The following MYBPHL variants were observed in gnomAD, a reference collection of about 807,000 sequenced individuals.
The protein encoded by MYBPHL is myosin-binding protein H-like.
In MYBPHL, 32 loss-of-function variants were observed where a neutral mutation model predicts 39.5. The ratio of observed to expected loss-of-function variants is 0.81; its 90% CI spans 0.61 to 1.09. The LOEUF is 1.09. Among genes scored for constraint, MYBPHL ranks in the 50% least tolerant of loss-of-function variants. The probability of loss-of-function intolerance (pLI) is 0.00; values close to 1 mark genes in which losing one functional copy is unlikely to be tolerated. For missense variants in MYBPHL, 456 were observed against 460.2 expected, an observed-to-expected ratio of 0.99 and a Z score of 0.08; for synonymous variants, 196 against 183.7, an observed-to-expected ratio of 1.07 and a Z score of -0.54.
In MYBPHL at chr1:109,297,047, C is replaced by A; in HGVS notation, c.570+3G>T. ...ACCCTCCTTCCTTCCCAGCTGGCCTCACCCCGGATTTTGTGTCAGCCTTCT... is the reference window on the plus strand; with the variant it reads ...ACCCTCCTTCCTTCCCAGCTGGCCTAACCCCGGATTTTGTGTCAGCCTTCT... On this transcript the variant is annotated splice_donor_region_variant and intron_variant, in intron 4 of 8. Coordinates refer to ENST00000357155, the MANE Select transcript of MYBPHL (RefSeq NM_001010985.3). The A allele has an allele frequency of 1.9e-6, 3 of 1,614,152 alleles. No homozygotes were observed. The highest frequency in any genetic ancestry group is 2.5e-6 in the Non-Finnish European group (3 of 1,180,014).
At chr1:109,302,169 T>A (rs759783357) in intron 1 of MYBPHL, among the ~76,000 whole-genome samples, 8 of 151,888 alleles carry the variant, frequency 5.3e-5, no homozygotes, top group Non-Finnish European at 1.0e-4. Context: ...AGTGTGTGTG[T>A]GAGAGAGAGA....
intron 5 of MYBPHL, 67 bp from the exon 6 acceptor site, chr1:109,296,437 T>G: frequency 1.3e-6 from 2 of 1,559,816 alleles, no homozygotes; most frequent in Non-Finnish European, 1.7e-6. Flanking sequence ...TCTTTATCCT[T>G]AGTATTTTTT....
chr1:109,298,098 G>A (rs1393749083), intron 2 of MYBPHL, 71 bp downstream of exon 2: 2 of 1,288,798 alleles, frequency 1.6e-6, no homozygotes, highest in Non-Finnish European at 2.2e-6. Flanking sequence ...CAGGACTCTT[G>A]GTATCTGTTT....
chr1:109,297,823 T>G (rs1264107667), intron 2 of MYBPHL, among the ~76,000 whole-genome samples: 1 of 151,952 alleles, frequency 6.6e-6, no homozygotes, highest in Non-Finnish European at 1.5e-5. Context: ...TGGCTTTGAG[T>G]CTCCCAATCT....
intron 3 of MYBPHL, 47 bp downstream of exon 3, chr1:109,297,375 G>A: frequency 6.3e-7 from 1 of 1,582,288 alleles, no homozygotes; most frequent in Non-Finnish European, 8.6e-7. Flanking sequence ...TCAGCCTGGA[G>A]AGGGAGTTCC....
chr1:109,298,159 G>A lies in MYBPHL; in HGVS notation c.234+10C>T, dbSNP rs1658152915. The A allele has an allele frequency of 1.6e-5, 25 of 1,600,288 alleles. No individual in the cohort carries two copies. The highest frequency in any genetic ancestry group is 2.1e-5 in the Non-Finnish European group (25 of 1,174,048). The stretch of plus-strand genomic sequence containing the variant: ...CAGACATGGACCCAGTATGGGGCTG[G>A]CATGATCACCTGGAATGGGATTAGT... On this transcript the variant is annotated intron_variant, in intron 2 of 8. Coordinates refer to ENST00000357155, the MANE Select transcript of MYBPHL (RefSeq NM_001010985.3).
chr1:109,302,169 TGA>T (rs1314385490), intron 1 of MYBPHL, among the ~76,000 whole-genome samples: 8 of 152,008 alleles, frequency 5.3e-5, no homozygotes, highest in Admixed American at 1.3e-4. Flanking sequence ...AGTGTGTGTG[TGA>T]GAGAGAGAGG....
intron 1 of MYBPHL, among the ~76,000 whole-genome samples, chr1:109,305,133 C>T (rs996746978): frequency 2.0e-5 from 3 of 152,124 alleles, no homozygotes; most frequent in South Asian, 4.1e-4. Flanking sequence ...GAGTCCACAG[C>T]TGGCATTAGA....
Position 109,295,234 on chromosome 1 carries a change from T to C in MYBPHL, c.931A>G (p.Thr311Ala). Residue 311 changes from threonine to alanine, a missense_variant, in exon 7 of 9, where the codon ACT (threonine) becomes GCT (alanine). Coordinates refer to ENST00000357155, the MANE Select transcript of MYBPHL (RefSeq NM_001010985.3). The stretch of plus-strand genomic sequence containing the variant: ...TCTAGGGAGCAGATTCCCAGGTGAG[T>C]CAGGGCTCTGTACTTAGGGTTGCCT... ...IQGNPKYRAL[T>A]HLGICSLEIR... The C allele has an allele frequency of 5.6e-6, 9 of 1,613,816 alleles. No individual in the cohort carries two copies. Among genetic ancestry groups the C allele is most frequent in the Non-Finnish European group, 7.6e-6 (9 of 1,179,950 alleles).
chr1:109,293,632 C>T (rs899683517), intron 8 of MYBPHL, among the ~76,000 whole-genome samples: 3 of 151,842 alleles, frequency 2.0e-5, no homozygotes, highest in Admixed American at 6.6e-5. Context: ...CCCAGCTACT[C>T]TGGAGGCTGA....
chr1:109,297,953 A>C (rs2101476360), intron 2 of MYBPHL, among the ~76,000 whole-genome samples: 1 of 152,354 alleles, frequency 6.6e-6, no homozygotes, highest in East Asian at 1.9e-4. Context: ...GGCATGGATT[A>C]GCCTCACACC....
chr1:109,300,217 G>A (rs1022620422), intron 1 of MYBPHL, among the ~76,000 whole-genome samples: 2 of 152,136 alleles, frequency 1.3e-5, no homozygotes, highest in Non-Finnish European at 2.9e-5. Context: ...GAGACCTCCC[G>A]GCTAGCTGTG....
chr1:109,300,747 A>G (rs1178356477), intron 1 of MYBPHL, among the ~76,000 whole-genome samples: 1 of 148,188 alleles, frequency 6.7e-6, no homozygotes, highest in Non-Finnish European at 1.5e-5. Flanking sequence ...AGAGCAAGGA[A>G]GGAGGCTGCC....
intron 2 of MYBPHL, 70 bp from the exon 3 acceptor site, chr1:109,297,687 C>T: frequency 1.5e-6 from 2 of 1,364,346 alleles, no homozygotes; most frequent in Non-Finnish European, 2.0e-6. Context: ...CTGTAGGGGT[C>T]CTGTCCACCC....
rs190155964 is a variant in MYBPHL at position 109,299,979 on chromosome 1, G to C, written c.146-1722C>G. Among the ~76,000 whole-genome samples, 644 of 152,342 alleles carry C rather than the reference G, an allele frequency of 4.2e-3. 5 individuals are homozygous for C. Among genetic ancestry groups the C allele is most frequent in the African/African-American group, 0.015 (609 of 41,568 alleles). On this transcript the variant is annotated intron_variant, in intron 1 of 8. Coordinates refer to ENST00000357155, the MANE Select transcript of MYBPHL (RefSeq NM_001010985.3). The stretch of plus-strand genomic sequence containing the variant: ...ACTTAATAGTGTTTTGAAAAAGAGG[G>C]CCGTACTTGGAAAGGAGGGTCAAAA...
chr1:109,297,500 C>T lies in MYBPHL; in HGVS notation c.352G>A (p.Ala118Thr). The change falls in exon 3 of 9, where the codon GCT becomes ACT. Residue 118 changes from alanine (A) to threonine (T), a missense_variant. Physicochemically the swap from Ala to Thr is moderately conservative, Grantham distance 58. Coordinates refer to ENST00000357155, the MANE Select transcript of MYBPHL (RefSeq NM_001010985.3). ...CGGAGTTGGTAGCGACCTGAGTCAG[C>T]ACGTTGGGCTTCTCGGATGAAGAGG... ...SILFIREAQR[A>T]DSGRYQLRVQ... is the part of the protein sequence containing the mutation. The T allele has an allele frequency of 6.2e-7, 1 of 1,613,746 alleles. No individual in the cohort carries two copies. The highest frequency in any genetic ancestry group is 8.5e-7 in the Non-Finnish European group (1 of 1,180,028).
At chr1:109,304,588 G>C (rs887302660) in intron 1 of MYBPHL, among the ~76,000 whole-genome samples, 2 of 152,268 alleles carry the variant, frequency 1.3e-5, no homozygotes, top group Non-Finnish European at 2.9e-5. Flanking sequence ...TCTCCTATGG[G>C]AGCAGTGGGG....
chr1:109,299,355 C>A (rs1658202879), intron 1 of MYBPHL, among the ~76,000 whole-genome samples: 1 of 152,248 alleles, frequency 6.6e-6, no homozygotes, highest in Non-Finnish European at 1.5e-5. Context: ...ATTCCAGACT[C>A]TTTGATAGCA....
chr1:109,296,619 A>G (rs1322385582), intron 5 of MYBPHL, among the ~76,000 whole-genome samples, 164 bp downstream of exon 5: 1 of 151,936 alleles, frequency 6.6e-6, no homozygotes, highest in Non-Finnish European at 1.5e-5. Context: ...TTGTATTTTT[A>G]GTAGAGATGA....
Sources: allele counts gnomAD v4.1 joint callset (sites outside exome capture counted in the v4.1 genomes callset), GRCh38; gene constraint gnomAD v4.1.1; transcripts MANE v1.5; gene names NCBI Gene and HGNC (gene_info 2026-07-23, HGNC 2026-07-21).